ZNF324B: variants seen among roughly 807,000 people sequenced by gnomAD.
ZNF324B encodes the protein zinc finger protein 324B.
A neutral mutation model predicts 10.6 loss-of-function variants in ZNF324B; 7 were observed. The observed-to-expected ratio is 0.66, with a 90% CI of 0.38 to 1.24. The LOEUF is 1.24. Among genes scored for constraint, ZNF324B ranks in the 50% most tolerant of loss-of-function variants. The pLI, the probability that ZNF324B is intolerant of heterozygous loss-of-function variation, is 0.02. For missense variants in ZNF324B, 640 were observed against 764.7 expected (o/e 0.84, Z 1.92); for synonymous variants, 316 against 321.0 (o/e 0.98, Z 0.17).
chr19:58,421,402 ATT>A, the ZNF324B span, among the ~76,000 whole-genome samples: 3 of 151,514 alleles, frequency 2.0e-5, no homozygotes, highest in African/African-American at 4.9e-5. Context: ...CCACATTGTA[ATT>A]TTTTTTTCTT....
chr19:58,455,165 C>T lies in ZNF324B; in HGVS notation c.239-18C>T. 6.2e-7 allele frequency: 1 copy of T among 1,614,018 alleles called. No homozygotes were observed. Reference sequence around the variant, plus strand: ...CTAACCAGGATGCCCCAGGCAACCACCGTTTCTCTGCGTTTAGGTTCCTGG... The same window carrying T: ...CTAACCAGGATGCCCCAGGCAACCATCGTTTCTCTGCGTTTAGGTTCCTGG... On this transcript the variant is annotated intron_variant, in intron 3 of 3. Coordinates refer to ENST00000336614, the MANE Select transcript of ZNF324B (RefSeq NM_207395.3). The surrounding 1 kb of genome is among the most constrained non-coding windows in gnomAD (Gnocchi z 7.0).
chr19:58,427,976 A>T, the ZNF324B span, among the ~76,000 whole-genome samples: 1 of 152,154 alleles, frequency 6.6e-6, no homozygotes, highest in African/African-American at 2.4e-5. Context: ...AGCATCTTCC[A>T]TATTGGAGAC....
upstream of ZNF324B, among the ~76,000 whole-genome samples, chr19:58,449,524 G>T (rs758028777): frequency 1.3e-5 from 2 of 152,208 alleles, no homozygotes; most frequent in Non-Finnish European, 2.9e-5. Flanking sequence ...GAAAGCAGCT[G>T]GGAGGGAGGC....
chr19:58,419,093 T>C, the ZNF324B span: 1 of 152,202 alleles, frequency 6.6e-6, no homozygotes, highest in Non-Finnish European at 1.5e-5. Flanking sequence ...TAATTTGTAT[T>C]GGCCCCTGAG....
At chr19:58,454,577 G>A (rs1200268742) in intron 3 of ZNF324B, 1 of 580,112 alleles carries the variant, frequency 1.7e-6, no homozygotes, top group African/African-American at 1.9e-5. Context: ...GCTGGGCTGT[G>A]TGGCCTTGAA....
At chr19:58,433,395 A>G in the ZNF324B span, 6 of 1,614,078 alleles carry the variant, frequency 3.7e-6, no homozygotes, top group East Asian at 1.1e-4. Context: ...GGCTACACTC[A>G]TAAGTCCTTT....
chr19:58,447,218 T>G (rs12985394), upstream of ZNF324B, among the ~76,000 whole-genome samples: 1 of 152,024 alleles, frequency 6.6e-6, no homozygotes, highest in Admixed American at 6.6e-5. Context: ...CCTCAAGTGA[T>G]CTGCCTGCCT....
the ZNF324B span, chr19:58,433,310 C>T: frequency 6.3e-7 from 1 of 1,599,820 alleles, no homozygotes; most frequent in East Asian, 2.2e-5. Context: ...AGACCACTTC[C>T]ATAAGGCTCC....
At chr19:58,434,875 T>A in the ZNF324B span, 3 of 1,614,006 alleles carry the variant, frequency 1.9e-6, no homozygotes, top group Admixed American at 3.3e-5. Flanking sequence ...AGTGAAGGGG[T>A]TCTCTGACAG....
the ZNF324B span, among the ~76,000 whole-genome samples, chr19:58,423,482 G>T: frequency 4.6e-5 from 7 of 152,148 alleles, no homozygotes; most frequent in Non-Finnish European, 7.4e-5. Context: ...TTGTTAAAAT[G>T]ACCATACTGC....
At chr19:58,422,441 A>C in the ZNF324B span, among the ~76,000 whole-genome samples, 1 of 152,212 alleles carries the variant, frequency 6.6e-6, no homozygotes, top group Non-Finnish European at 1.5e-5. Flanking sequence ...AAAGGTATCC[A>C]AATTGGAGGA....
At chr19:58,453,880 C>G in intron 2 of ZNF324B, 58 bp downstream of exon 2, 1 of 1,579,386 alleles carries the variant, frequency 6.3e-7, no homozygotes, top group Non-Finnish European at 8.6e-7. Flanking sequence ...ACTGCCTCTT[C>G]ACTTCCCTCC....
the ZNF324B span, among the ~76,000 whole-genome samples, chr19:58,419,582 C>G: frequency 6.6e-6 from 1 of 152,204 alleles, no homozygotes; most frequent in East Asian, 1.9e-4. Context: ...AAATAATCTA[C>G]AGACTTTCTG....
the ZNF324B span, among the ~76,000 whole-genome samples, chr19:58,423,047 T>G: frequency 6.6e-6 from 1 of 152,006 alleles, no homozygotes; most frequent in Non-Finnish European, 1.5e-5. Flanking sequence ...TTTTTTGTAT[T>G]TTTAGTAGAG....
intron 1 of ZNF324B, 120 bp downstream of exon 1, chr19:58,451,824 C>G: frequency 3.4e-6 from 1 of 294,048 alleles, no homozygotes; most frequent in Non-Finnish European, 6.6e-6. Context: ...CCGCGGAAGC[C>G]CAGGAGGCAG....
At chr19:58,437,169 A>C in the ZNF324B span, 15 of 1,612,816 alleles carry the variant, frequency 9.3e-6, no homozygotes, top group Middle Eastern at 8.2e-4. Flanking sequence ...AAAGGTTACC[A>C]TGCTCTTCAA....
the ZNF324B span, among the ~76,000 whole-genome samples, chr19:58,425,421 TTTCC>T: frequency 4.8e-4 from 73 of 150,564 alleles, no homozygotes; most frequent in Non-Finnish European, 9.2e-4. Context: ...GACTTAGATT[TTTCC>T]TTCCTTCCTT....
At chr19:58,453,580 G>T in intron 1 of ZNF324B, 116 bp from the exon 2 acceptor site, 2 of 1,416,838 alleles carry the variant, frequency 1.4e-6, no homozygotes, top group South Asian at 2.3e-5. Context: ...ATAATCTCGG[G>T]GTGGAACCCA....
chr19:58,435,093 G>A, the ZNF324B span: 2 of 1,614,060 alleles, frequency 1.2e-6, no homozygotes, highest in Non-Finnish European at 1.7e-6. Context: ...GCCCACACAT[G>A]TCACAGGAGT....
Sources: allele counts gnomAD v4.1 joint callset (sites outside exome capture counted in the v4.1 genomes callset), GRCh38; gene constraint gnomAD v4.1.1; non-coding constraint Gnocchi (gnomAD v3.1); transcripts MANE v1.5; gene names NCBI Gene and HGNC (gene_info 2026-07-23, HGNC 2026-07-21).